The following SV2C variants were observed in gnomAD, a reference collection of about 807,000 sequenced individuals.
The protein encoded by SV2C is solute carrier family 22 member B3.
In SV2C, 49 loss-of-function variants were observed where a neutral mutation model predicts 79.7. The observed-to-expected ratio is 0.61, with a 90% confidence interval of 0.49 to 0.78. The LOEUF is 0.78. Among genes scored for constraint, SV2C ranks in the 30% least tolerant of loss-of-function variants. The pLI is 0.00. For synonymous variants in SV2C, 334 were observed against 333.2 expected, an observed-to-expected ratio of 1.00 and a Z score of -0.03; for missense variants, 833 against 912.9, an observed-to-expected ratio of 0.91 and a Z score of 1.13.
At chr5:76,285,933 A>C in intron 6 of SV2C, 63 bp downstream of exon 6, 2 of 1,484,002 alleles carry the variant, frequency 1.3e-6, no homozygotes, top group Non-Finnish European at 1.9e-6. Flanking sequence ...TGTCAAGGGA[A>C]AAATTGTAAA....
chr5:76,167,642 AT>A (rs1168733971), intron 2 of SV2C, among the ~76,000 whole-genome samples: 4 of 152,174 alleles, frequency 2.6e-5, no homozygotes, highest in African/African-American at 9.7e-5. Flanking sequence ...TATTATCTTG[AT>A]TTTACAATTG....
chr5:75,999,074 C>A, the SV2C span, among the ~76,000 whole-genome samples: 1 of 151,930 alleles, frequency 6.6e-6, no homozygotes, highest in Non-Finnish European at 1.5e-5. Flanking sequence ...AATTAGAGAA[C>A]GTGTGCAAGG....
chr5:75,925,739 A>G, the SV2C span, among the ~76,000 whole-genome samples: 2 of 131,898 alleles, frequency 1.5e-5, no homozygotes, highest in South Asian at 4.9e-4. Flanking sequence ...TATAATCTTA[A>G]AAGATTTTTT....
the SV2C span, among the ~76,000 whole-genome samples, chr5:76,078,107 G>C: frequency 6.6e-6 from 1 of 152,178 alleles, no homozygotes; most frequent in Non-Finnish European, 1.5e-5. Flanking sequence ...GATGAAAGGA[G>C]ATTTATAGCA....
At chr5:76,174,321 G>T (rs976063794) in intron 2 of SV2C, 8 of 796,268 alleles carry the variant, frequency 1.0e-5, no homozygotes, top group Non-Finnish European at 1.6e-5. Context: ...GCGCCGCTCC[G>T]GCTGGTTTAC....
At chr5:75,853,209 G>T in the SV2C span, among the ~76,000 whole-genome samples, 1 of 152,028 alleles carries the variant, frequency 6.6e-6, no homozygotes, top group South Asian at 2.1e-4. Context: ...GCATAATACC[G>T]AATACTAGAA....
chr5:76,195,571 G>A (rs1019837865), intron 3 of SV2C, among the ~76,000 whole-genome samples: 15 of 152,148 alleles, frequency 9.9e-5, no homozygotes, highest in Admixed American at 2.6e-4. Context: ...TCCTTGAGAC[G>A]TAATTTTTAG....
At chr5:75,944,284 CA>C in the SV2C span, among the ~76,000 whole-genome samples, 7 of 152,178 alleles carry the variant, frequency 4.6e-5, no homozygotes, top group Non-Finnish European at 7.4e-5. Context: ...ATGAATGTAG[CA>C]TAACTTACCT....
the SV2C span, among the ~76,000 whole-genome samples, chr5:76,016,254 T>TAAA: frequency 2.5e-3 from 222 of 90,368 alleles, 6 homozygotes; most frequent in Admixed American, 6.9e-3. Context: ...TTTAATTTTC[T>TAAA]AAAAAAAAAA....
intron 4 of SV2C, among the ~76,000 whole-genome samples, chr5:76,244,208 C>A (rs1423269179): frequency 6.6e-6 from 1 of 152,222 alleles, no homozygotes; most frequent in East Asian, 1.9e-4. Flanking sequence ...ACACGGTAAG[C>A]TCTCAAAAAG....
chr5:76,196,469 G>A lies in SV2C; in HGVS notation c.761+1370G>A, dbSNP rs77558202. 2.5e-3 allele frequency among the ~76,000 whole-genome samples: 378 copies of A among 152,292 alleles called. 1 individual carries two copies. The highest frequency in any genetic ancestry group is 8.7e-3 in the African/African-American group (361 of 41,558). On this transcript the variant is annotated intron_variant, in intron 3 of 12. Transcript: ENST00000502798. ...AGTTTCTGTGAGACTGGCTACATAC[G>A]CTGCTGACTTGAAGATGGATTTTGG...
the SV2C span, among the ~76,000 whole-genome samples, chr5:75,955,747 A>T: frequency 6.7e-6 from 1 of 149,904 alleles, no homozygotes; most frequent in African/African-American, 2.5e-5. Context: ...ACATGAACAG[A>T]CACTTCTCAA....
rs1281975926 is a variant in SV2C, at chr5:76,104,285, A to G, written c.-102+20773A>G. Among the ~76,000 whole-genome samples the G allele has an allele frequency of 2.0e-5, 3 of 152,236 alleles. No individual in the cohort carries two copies. In the East Asian group the frequency reaches 5.8e-4, roughly 29 times the overall value. On this transcript the variant is annotated intron_variant, in intron 1 of 12. Coordinates refer to ENST00000502798, the MANE Select transcript of SV2C (RefSeq NM_014979.4). ...ATGCCTGGCCAGTCCAACAAAACGC[A>G]CTACAACAGAATTTCCTCAACTTAT...
the SV2C span, among the ~76,000 whole-genome samples, chr5:76,060,685 C>T: frequency 6.6e-6 from 1 of 152,052 alleles, no homozygotes; most frequent in East Asian, 1.9e-4. Context: ...AGCAATAAGG[C>T]TGCTTTGCTT....
chr5:75,979,302 T>C, the SV2C span, among the ~76,000 whole-genome samples: 1 of 152,040 alleles, frequency 6.6e-6, no homozygotes, highest in East Asian at 1.9e-4. Context: ...AACACCGCAC[T>C]GTCAATATTA....
chr5:76,209,940 T>C, intron 4 of SV2C, 53 bp downstream of exon 4: 1 of 1,544,710 alleles, frequency 6.5e-7, no homozygotes, highest in Admixed American at 2.0e-5. Context: ...TGCTTCAGGC[T>C]CCATTCCCAT....
At chr5:75,983,706 C>T in the SV2C span, among the ~76,000 whole-genome samples, 2 of 151,912 alleles carry the variant, frequency 1.3e-5, no homozygotes, top group African/African-American at 2.4e-5. Context: ...GTGATAGTTG[C>T]ATTCATAGTC....
chr5:76,151,395 C>T (rs1300774788), intron 2 of SV2C, among the ~76,000 whole-genome samples: 4 of 152,054 alleles, frequency 2.6e-5, no homozygotes, highest in Non-Finnish European at 5.9e-5. Flanking sequence ...GAGTGGTTGA[C>T]GTGTGAGCAG....
chr5:76,349,669 ATT>A (rs34691117), intron 12 of SV2C, among the ~76,000 whole-genome samples: 10,114 of 137,276 alleles, frequency 0.074, 848 homozygotes, highest in African/African-American at 0.22. Flanking sequence ...TTTAGCCTTC[ATT>A]TTTTTTTTTT....
Sources: allele counts gnomAD v4.1 joint callset (sites outside exome capture counted in the v4.1 genomes callset), GRCh38; gene constraint gnomAD v4.1.1; transcripts MANE v1.5; gene names NCBI Gene and HGNC (gene_info 2026-07-23, HGNC 2026-07-21).